Variants in KCNMA1 observed in about 807,000 individuals in gnomAD.
The protein encoded by KCNMA1 is Calcium-activated potassium channel subunit alpha-1.
A neutral mutation model predicts 140.0 loss-of-function variants in KCNMA1; 29 were observed. The observed-to-expected ratio is 0.21, with a 90% confidence interval of 0.15 to 0.28. The LOEUF is 0.28. Among genes scored for constraint, KCNMA1 ranks in the 10% least tolerant of loss-of-function variants. The pLI is 1.00. For missense variants in KCNMA1, 880 were observed against 1,602.2 expected (o/e 0.55, Z 7.70); for synonymous variants, 612 against 611.9 (o/e 1.00, Z 0.00).
intron 3 of KCNMA1, among the ~76,000 whole-genome samples, chr10:77,203,937 A>G (rs2043219714): frequency 6.6e-6 from 1 of 151,900 alleles, no homozygotes; most frequent in African/African-American, 2.4e-5. Flanking sequence ...TCTCTAATAG[A>G]ATACAAAAAT....
At chr10:77,065,589 T>C (rs1238854533) in intron 14 of KCNMA1, among the ~76,000 whole-genome samples, 2 of 152,126 alleles carry the variant, frequency 1.3e-5, no homozygotes, top group East Asian at 3.9e-4. Context: ...ATTGTGGAGA[T>C]GTCAATTCTC....
chr10:77,095,853 G>A (rs1555229484), intron 9 of KCNMA1, among the ~76,000 whole-genome samples: 1 of 152,142 alleles, frequency 6.6e-6, no homozygotes, highest in Non-Finnish European at 1.5e-5. Context: ...AGTGACTTAA[G>A]GCAGAAGGCA....
rs1232270283 is a variant in KCNMA1 at position 77,426,775 on chromosome 10, C to G, written c.379-22752G>C. Among the ~76,000 whole-genome samples the G allele has an allele frequency of 2.6e-5, 4 of 152,188 alleles. No individual in the cohort carries two copies. The South Asian group carries it at 6.2e-4, about 24-fold the overall frequency. ...TGCCCTCTGCCTTCTTCAAGGCATC[C>G]CCAGCAGAGCCTTAAAGGGCAAAGC... On this transcript the variant is annotated intron_variant, in intron 1 of 27. Coordinates refer to ENST00000286628, the MANE Select transcript of KCNMA1 (RefSeq NM_001161352.2).
chr10:77,484,571 C>T (rs1436224068), intron 1 of KCNMA1, among the ~76,000 whole-genome samples: 8 of 152,168 alleles, frequency 5.3e-5, no homozygotes. Flanking sequence ...GGCTCTGGGC[C>T]ATCAGTCACT....
chr10:77,537,815 A>C (rs2059251798), intron 1 of KCNMA1, among the ~76,000 whole-genome samples: 1 of 152,088 alleles, frequency 6.6e-6, no homozygotes, highest in Non-Finnish European at 1.5e-5. Context: ...TTCGGACTGC[A>C]ACACGCTGCC....
chr10:76,932,671 C>T (rs549482803), intron 23 of KCNMA1, among the ~76,000 whole-genome samples: 72 of 152,258 alleles, frequency 4.7e-4, no homozygotes, highest in Non-Finnish European at 8.5e-4. Context: ...TGTCAAATTG[C>T]TCATGATGGA....
chr10:77,089,808 T>C (rs1181527659), intron 10 of KCNMA1, among the ~76,000 whole-genome samples: 2 of 152,140 alleles, frequency 1.3e-5, no homozygotes, highest in African/African-American at 2.4e-5. Flanking sequence ...GCTCAGCCAG[T>C]AGTTGGTTGA....
At position 77,108,362 on chromosome 10, in the gene KCNMA1, AGCGGGCAAACATT is replaced by A; in HGVS notation, c.1223+106_1223+118del. 1 of 1,594,502 alleles carries A rather than the reference AGCGGGCAAACATT, an allele frequency of 6.3e-7. No homozygotes were observed. Among genetic ancestry groups the A allele is most frequent in the Admixed American group, 1.7e-5 (1 of 58,124 alleles). On this transcript the variant is annotated intron_variant, in intron 9 of 27. Coordinates refer to ENST00000286628, the MANE Select transcript of KCNMA1 (RefSeq NM_001161352.2). The surrounding 1 kb of genome is among the most constrained non-coding windows in gnomAD (Gnocchi z 4.6). Reference sequence around the variant, plus strand: ...ATGAGAGCAGCAATTTCGGGCACGTAGCGGGCAAACATTGCCTACATGCATGAAACAAAGAAAC... The same window carrying A: ...ATGAGAGCAGCAATTTCGGGCACGTAGCCTACATGCATGAAACAAAGAAAC...
At chr10:77,619,628 C>A (rs1197142837) in intron 1 of KCNMA1, among the ~76,000 whole-genome samples, 1 of 152,140 alleles carries the variant, frequency 6.6e-6, no homozygotes, top group Non-Finnish European at 1.5e-5. Flanking sequence ...CATTGAGCGA[C>A]CCCTGGTCAC....
intron 24 of KCNMA1, chr10:76,911,215 A>AC (rs1344811218): frequency 1.3e-5 from 2 of 152,066 alleles, no homozygotes; most frequent in African/African-American, 4.8e-5. Context: ...AAAAAAAAAA[A>AC]ACTTTTGTTT....
intron 17 of KCNMA1, chr10:77,012,320 G>A: frequency 6.8e-7 from 1 of 1,465,258 alleles, no homozygotes; most frequent in Non-Finnish European, 9.0e-7. Context: ...CACTGTGTCT[G>A]CTCATTCGTC....
At chr10:76,960,743 C>A (rs928381036) in intron 20 of KCNMA1, among the ~76,000 whole-genome samples, 3 of 143,746 alleles carry the variant, frequency 2.1e-5, no homozygotes, top group African/African-American at 7.8e-5. Flanking sequence ...GTTAAATGAG[C>A]TTTGACTTCA....
intron 13 of KCNMA1, among the ~76,000 whole-genome samples, chr10:77,079,206 G>A (rs1428228676): frequency 6.6e-6 from 1 of 152,094 alleles, no homozygotes; most frequent in Non-Finnish European, 1.5e-5. Context: ...GGAGGTGGAG[G>A]TTGTGGGGAG....
At chr10:76,915,702 C>G (rs78798684) in intron 23 of KCNMA1, among the ~76,000 whole-genome samples, 6,828 of 152,214 alleles carry the variant, frequency 0.045, 265 homozygotes, top group South Asian at 0.21. Flanking sequence ...TATCCTCTTG[C>G]TGGTGAGTGA....
chr10:77,374,106 G>A (rs2094923546), intron 2 of KCNMA1, among the ~76,000 whole-genome samples: 1 of 152,176 alleles, frequency 6.6e-6, no homozygotes, highest in African/African-American at 2.4e-5. Flanking sequence ...CCCAGACTCT[G>A]AGTACTTCAT....
At chr10:76,977,034 C>G (rs1219956819) in intron 19 of KCNMA1, among the ~76,000 whole-genome samples, 1 of 152,106 alleles carries the variant, frequency 6.6e-6, no homozygotes, top group African/African-American at 2.4e-5. Context: ...GTATAGAAGT[C>G]CAATACAAAC....
intron 1 of KCNMA1, among the ~76,000 whole-genome samples, chr10:77,574,915 G>T (rs540032387): frequency 2.0e-5 from 3 of 152,292 alleles, no homozygotes; most frequent in Non-Finnish European, 2.9e-5. Flanking sequence ...CTTGGAGTGG[G>T]AGCTGATGGC....
intron 23 of KCNMA1, among the ~76,000 whole-genome samples, chr10:76,934,362 A>G (rs530448897): frequency 1.4e-3 from 208 of 152,334 alleles, no homozygotes; most frequent in African/African-American, 4.8e-3. Context: ...AAGACTGCAC[A>G]TGAGCTATTG....
At chr10:77,371,721 A>G (rs2094732585) in intron 2 of KCNMA1, among the ~76,000 whole-genome samples, 1 of 152,136 alleles carries the variant, frequency 6.6e-6, no homozygotes, top group Non-Finnish European at 1.5e-5. Context: ...ATGCACTTCC[A>G]GTTCTCCAGC....
Sources: gnomAD v4.1 joint callset for allele counts (sites outside exome capture counted in the v4.1 genomes callset) on GRCh38, gnomAD v4.1.1 for gene constraint, Gnocchi (gnomAD v3.1) non-coding constraint, MANE v1.5 for transcripts, NCBI Gene and HGNC (gene_info 2026-07-23, HGNC 2026-07-21) for gene names.